The following SVEP1 variants were observed in gnomAD, a reference collection of about 807,000 sequenced individuals.
SVEP1 encodes the protein sushi, von Willebrand factor type A, EGF and pentraxin domain-containing protein 1.
In SVEP1, 164 loss-of-function variants were observed where a neutral mutation model predicts 367.3. The observed-to-expected ratio is 0.45, with a 90% CI of 0.39 to 0.51. The LOEUF (loss-of-function observed/expected upper bound fraction) is 0.51, where lower values mean the gene tolerates loss of function less well. SVEP1 is among the 20% of genes least tolerant of loss of function. The pLI is 0.00. For synonymous variants in SVEP1, 1,666 were observed against 1,611.6 expected (o/e 1.03, Z -0.81); for missense variants, 4,117 against 4,425.3 (o/e 0.93, Z 1.98).
intron 46 of SVEP1, among the ~76,000 whole-genome samples, chr9:110,374,379 G>C (rs1827319462): frequency 6.6e-6 from 1 of 152,222 alleles, no homozygotes; most frequent in African/African-American, 2.4e-5. Context: ...GCTGGATGCA[G>C]TGGCTCATGC....
intron 8 of SVEP1, among the ~76,000 whole-genome samples, 162 bp from the exon 9 acceptor site, chr9:110,489,941 T>A (rs1195801048): frequency 2.0e-5 from 3 of 152,204 alleles, no homozygotes; most frequent in Non-Finnish European, 4.4e-5. Flanking sequence ...ATTATTCTAT[T>A]TACATGATTT....
intron 9 of SVEP1, among the ~76,000 whole-genome samples, chr9:110,485,444 G>C (rs1326301476): frequency 1.3e-5 from 2 of 152,092 alleles, no homozygotes; most frequent in Non-Finnish European, 2.9e-5. Context: ...GGTTGGGGGA[G>C]AAGGGGAGCA....
intron 3 of SVEP1, 134 bp downstream of exon 3, chr9:110,545,981 A>C: frequency 9.0e-7 from 1 of 1,110,766 alleles, no homozygotes; most frequent in Non-Finnish European, 1.3e-6. Context: ...GCACAGCTGA[A>C]GCCCCAAAGA....
Position 110,454,620 on chromosome 9 carries a change from T to A in SVEP1, c.3787+970A>T, listed in dbSNP as rs1048636876. On this transcript the variant is annotated intron_variant, in intron 22 of 47. Coordinates refer to ENST00000374469, the MANE Select transcript of SVEP1 (RefSeq NM_153366.4). Reference sequence around the variant, plus strand: ...GGTACTTATACATCATCGAATATTATGTAGTCATAAAAACTCCACAAAATC... The same window carrying A: ...GGTACTTATACATCATCGAATATTAAGTAGTCATAAAAACTCCACAAAATC... Among the ~76,000 whole-genome samples the A allele has an allele frequency of 1.8e-4, 28 of 152,214 alleles. 1 individual carries two copies. The highest frequency in any genetic ancestry group is 1.7e-3 in the Admixed American group (26 of 15,278).
intron 3 of SVEP1, among the ~76,000 whole-genome samples, chr9:110,526,643 C>T (rs143660930): frequency 0.016 from 2,464 of 152,158 alleles, 42 homozygotes; most frequent in Non-Finnish European, 0.021. Flanking sequence ...CAAAAATATG[C>T]AACTACTGTG....
In SVEP1 at chr9:110,457,441, A is replaced by T; in HGVS notation, c.3577-89T>A. 8.9e-6 allele frequency: 9 copies of T among 1,009,596 alleles called. No homozygotes were observed. The South Asian group carries it at 1.3e-4, about 15-fold the overall frequency. The allele number at this position is 1,009,596 out of a possible 1,614,324, so 62.5% of individuals were successfully genotyped here. ...ATTAGAGTCAGGTTTGCAACATTAGACAGCTCGTTCCTCCTGTTTCCAGGT... is the reference window on the plus strand; with the variant it reads ...ATTAGAGTCAGGTTTGCAACATTAGTCAGCTCGTTCCTCCTGTTTCCAGGT... On this transcript the variant is annotated intron_variant, in intron 20 of 47. Transcript: ENST00000374469.
chr9:110,514,227 G>T, intron 3 of SVEP1, 121 bp from the exon 4 acceptor site: 1 of 1,334,720 alleles, frequency 7.5e-7, no homozygotes, highest in Non-Finnish European at 1.0e-6. Context: ...AAATGGTGAT[G>T]TAGGCTGGGT....
rs71371668 is a variant in SVEP1, at chr9:110,434,666, T to TAAAAAAAAAAAAAAAAAAAAAAAA, written c.4889-161_4889-160insTTTTTTTTTTTTTTTTTTTTTTTT. ...CCAGATCACTGGCAAGCAAAATCAC[T>TAAAAAAAAAAAAAAAAAAAAAAAA]AAAAAAAAAAAAAAAAAAAAGCATT... On this transcript the variant is annotated intron_variant, in intron 29 of 47. Coordinates refer to ENST00000374469, the MANE Select transcript of SVEP1 (RefSeq NM_153366.4). Among the ~76,000 whole-genome samples, 5 of 40,630 alleles carry TAAAAAAAAAAAAAAAAAAAAAAAA rather than the reference T, an allele frequency of 1.2e-4. 2 individuals are homozygous for TAAAAAAAAAAAAAAAAAAAAAAAA. The highest frequency in any genetic ancestry group is 1.7e-4 in the Non-Finnish European group (4 of 23,972). The allele number at this position is 40,630 out of a possible 152,430, so 26.7% of individuals were successfully genotyped here.
chr9:110,520,106 GT>G (rs1588090651), intron 3 of SVEP1, among the ~76,000 whole-genome samples: 2 of 152,118 alleles, frequency 1.3e-5, no homozygotes, highest in Non-Finnish European at 2.9e-5. Context: ...ATAATCAAGA[GT>G]TTAAAACACT....
intron 27 of SVEP1, among the ~76,000 whole-genome samples, chr9:110,439,377 A>G (rs1307892488): frequency 6.6e-6 from 1 of 152,026 alleles, no homozygotes; most frequent in Non-Finnish European, 1.5e-5. Flanking sequence ...CTACAAGAAC[A>G]TTAATTTCGG....
intron 40 of SVEP1, among the ~76,000 whole-genome samples, chr9:110,399,434 C>T (rs1285849530): frequency 6.6e-6 from 1 of 152,080 alleles, no homozygotes; most frequent in East Asian, 1.9e-4. Context: ...CACATGTATA[C>T]ATATGTAACA....
intron 3 of SVEP1, among the ~76,000 whole-genome samples, chr9:110,544,581 C>G (rs1830193934): frequency 6.6e-6 from 1 of 152,064 alleles, no homozygotes; most frequent in Middle Eastern, 3.4e-3. Context: ...ATAAGAAAAC[C>G]TAGAGACGGA....
In SVEP1 at chr9:110,483,622, C is replaced by A; in HGVS notation, c.2002G>T (p.Ala668Ser). 6.2e-7 allele frequency: 1 copy of A among 1,612,220 alleles called. No homozygotes were observed. Among genetic ancestry groups the A allele is most frequent in the Non-Finnish European group, 8.5e-7 (1 of 1,179,044 alleles). The change falls in exon 10 of 48, where the codon GCA (alanine) becomes TCA (serine). Residue 668 changes from alanine to serine, a missense_variant. Transcript: ENST00000374469. ...PVQVSEKVHA[A>S]SWDEPQFSDN... is the part of the protein sequence containing the mutation. The stretch of plus-strand genomic sequence containing the variant: ...GAGAACTGAGGCTCATCCCAGCTTG[C>A]GGCATGTACCTTCTCCGAGACCTGG...
intron 23 of SVEP1, 84 bp from the exon 24 acceptor site, chr9:110,450,344 T>C (rs1828673520): frequency 7.2e-7 from 1 of 1,397,838 alleles, no homozygotes; most frequent in African/African-American, 1.4e-5. Flanking sequence ...CCCTGGAGGA[T>C]GCTGCTTCTA....
intron 14 of SVEP1, among the ~76,000 whole-genome samples, chr9:110,473,274 C>T (rs1829048199): frequency 6.6e-6 from 1 of 151,976 alleles, no homozygotes; most frequent in South Asian, 2.1e-4. Context: ...ACATTTTCTC[C>T]ACAAGCATTA....
At position 110,472,261 on chromosome 9, in the gene SVEP1, C is replaced by T. The variant is rs181274972; in HGVS notation, c.2662G>A (p.Val888Met). The change falls in exon 15 of 48, where the codon GTG becomes ATG. Residue 888 changes from valine to methionine, a missense_variant. This residue lies in a region of SVEP1 where 2,174 missense variants were observed against 2,494.3 expected (regional missense o/e 0.87). Transcript: ENST00000374469. ...CCGATGCTTGTGGCTGTTTCTTGCA[C>T]AGTGTCCAGGAAGTCATCGTAAGAG... ...DYSYDDFLDT[V>M]QETATSIGNA... 41 of 1,613,610 alleles carry T rather than the reference C, an allele frequency of 2.5e-5. No individual in the cohort carries two copies. In the East Asian group the frequency reaches 9.1e-4, roughly 36 times the overall value.
chr9:110,390,027 G>GTGTA (rs765089687), intron 40 of SVEP1, among the ~76,000 whole-genome samples: 3 of 93,078 alleles, frequency 3.2e-5, no homozygotes, highest in East Asian at 5.4e-4. Context: ...GTGTGTGTGT[G>GTGTA]TATATATATA....
At chr9:110,432,965 G>T (rs1828374058) in intron 30 of SVEP1, among the ~76,000 whole-genome samples, 1 of 152,144 alleles carries the variant, frequency 6.6e-6, no homozygotes, top group South Asian at 2.1e-4. Flanking sequence ...TGGGTCATAG[G>T]GGCAGATCCC....
At chr9:110,478,201 C>T (rs7028791) in intron 13 of SVEP1, among the ~76,000 whole-genome samples, 100,299 of 152,002 alleles carry the variant, frequency 0.66, 33,179 homozygotes, top group South Asian at 0.7. Flanking sequence ...TTCAGGTCTC[C>T]TCTCAAACAG....
Sources: allele counts gnomAD v4.1 joint callset (sites outside exome capture counted in the v4.1 genomes callset), GRCh38; gene constraint gnomAD v4.1.1; regional missense constraint gnomAD v4.1.1; transcripts MANE v1.5; gene names NCBI Gene and HGNC (gene_info 2026-07-23, HGNC 2026-07-21).